The following CAMTA1 variants were observed in gnomAD, a reference collection of about 807,000 sequenced individuals.
CAMTA1 encodes calmodulin binding transcription activator 1, also known as calmodulin-binding transcription activator 1.
Under a neutral mutation model 170.9 loss-of-function variants are expected in CAMTA1, and 27 were observed. That is an observed-to-expected ratio of 0.16 (90% confidence interval 0.12 to 0.22). The LOEUF is 0.22. Among genes scored for constraint, CAMTA1 ranks in the 10% least tolerant of loss-of-function variants. The pLI, the probability that CAMTA1 is intolerant of heterozygous loss-of-function variation, is 1.00. For synonymous variants in CAMTA1, 833 were observed against 891.5 expected, an observed-to-expected ratio of 0.93 and a Z score of 1.17; for missense variants, 1,619 against 2,217.2, an observed-to-expected ratio of 0.73 and a Z score of 5.42.
chr1:7,434,447 A>C (rs914127797), intron 5 of CAMTA1, among the ~76,000 whole-genome samples: 1 of 84,280 alleles, frequency 1.2e-5, no homozygotes, highest in Non-Finnish European at 2.2e-5. Context: ...TTAGGAGGAA[A>C]GCACCATTCA....
Position 6,868,014 on chromosome 1 carries a change from C to T in CAMTA1, c.234+42804C>T, listed in dbSNP as rs181151501. On this transcript the variant is annotated intron_variant, in intron 3 of 22. Coordinates refer to ENST00000303635, the MANE Select transcript of CAMTA1 (RefSeq NM_015215.4). ...GGAGATGGGATCTCCCTATATTGCC[C>T]GGCTAGTCTCAAACTTCTGGGCTCA... is the stretch of plus-strand genomic sequence containing the variant. 2.3e-4 allele frequency among the ~76,000 whole-genome samples: 35 copies of T among 152,208 alleles called. 1 individual carries two copies. Among genetic ancestry groups the T allele is most frequent in the Admixed American group, 3.3e-4 (5 of 15,238 alleles).
At chr1:6,799,785 C>T (rs918252847) in intron 1 of CAMTA1, among the ~76,000 whole-genome samples, 3 of 152,160 alleles carry the variant, frequency 2.0e-5, no homozygotes, top group Non-Finnish European at 4.4e-5. Flanking sequence ...CTCTCTCTCT[C>T]TCTGATTATC....
At chr1:7,500,446 G>A (rs1465212428) in intron 6 of CAMTA1, among the ~76,000 whole-genome samples, 1 of 151,036 alleles carries the variant, frequency 6.6e-6, no homozygotes, top group Non-Finnish European at 1.5e-5. Context: ...GTGTGTGCAT[G>A]AGTGAGTGTG....
At chr1:7,024,777 C>T (rs1040108638) in intron 3 of CAMTA1, among the ~76,000 whole-genome samples, 2 of 152,198 alleles carry the variant, frequency 1.3e-5, no homozygotes, top group African/African-American at 4.8e-5. Flanking sequence ...AAAAAGCAAA[C>T]TAAATTAGTC....
chr1:7,279,552 G>A (rs1280616825), intron 5 of CAMTA1, among the ~76,000 whole-genome samples: 2 of 152,124 alleles, frequency 1.3e-5, no homozygotes, highest in Non-Finnish European at 2.9e-5. Context: ...CTCGGTACGG[G>A]GAGCAGCTGC....
intron 5 of CAMTA1, among the ~76,000 whole-genome samples, chr1:7,313,537 C>T (rs1370274331): frequency 6.6e-6 from 1 of 152,144 alleles, no homozygotes; most frequent in Non-Finnish European, 1.5e-5. Flanking sequence ...TCTCCAGACA[C>T]TGTTAAAAGA....
intron 3 of CAMTA1, among the ~76,000 whole-genome samples, chr1:6,833,094 A>AGG (rs1455774525): frequency 1.3e-5 from 2 of 152,180 alleles, no homozygotes; most frequent in African/African-American, 2.4e-5. Flanking sequence ...CACACAGGTG[A>AGG]GGGGAGACAG....
intron 10 of CAMTA1, among the ~76,000 whole-genome samples, chr1:7,671,377 G>A (rs904743941): frequency 2.6e-5 from 4 of 152,220 alleles, no homozygotes; most frequent in African/African-American, 4.8e-5. Context: ...AGGGTGACTA[G>A]AGCTGGTAAG....
intron 10 of CAMTA1, among the ~76,000 whole-genome samples, chr1:7,676,523 C>T (rs2096122560): frequency 6.6e-6 from 1 of 152,238 alleles, no homozygotes; most frequent in African/African-American, 2.4e-5. Context: ...AAAGATGGAG[C>T]TCTGCTTGTC....
At chr1:6,967,204 G>A (rs1334294462) in intron 3 of CAMTA1, among the ~76,000 whole-genome samples, 1 of 152,012 alleles carries the variant, frequency 6.6e-6, no homozygotes, top group Admixed American at 6.5e-5. Context: ...CTGTGCCACT[G>A]CACTCCAGCC....
intron 10 of CAMTA1, 40 bp downstream of exon 10, chr1:7,671,077 T>A (rs2096056424): frequency 6.2e-7 from 1 of 1,606,806 alleles, no homozygotes; most frequent in Admixed American, 1.7e-5. Flanking sequence ...GTGAGTGTGA[T>A]GGCCTGAGGA....
chr1:7,244,415 C>T (rs1185438360), intron 4 of CAMTA1, among the ~76,000 whole-genome samples: 1 of 152,206 alleles, frequency 6.6e-6, no homozygotes, highest in African/African-American at 2.4e-5. Context: ...GATTATAAAT[C>T]ATGCTGCTAT....
At chr1:7,073,752 A>G (rs555027296) in intron 3 of CAMTA1, among the ~76,000 whole-genome samples, 2 of 152,324 alleles carry the variant, frequency 1.3e-5, no homozygotes, top group East Asian at 3.9e-4. Flanking sequence ...TCTTGATGGA[A>G]TAGTGGAGGT....
chr1:7,574,658 C>T (rs929670201), intron 6 of CAMTA1, among the ~76,000 whole-genome samples: 4 of 152,156 alleles, frequency 2.6e-5, no homozygotes, highest in African/African-American at 7.2e-5. Context: ...CAGAGAGGTC[C>T]GCCTGGCCAG....
chr1:7,138,845 A>G (rs1473736239), intron 4 of CAMTA1, among the ~76,000 whole-genome samples: 3 of 151,850 alleles, frequency 2.0e-5, no homozygotes, highest in Non-Finnish European at 4.4e-5. Flanking sequence ...AAATACAAAA[A>G]TTAGCTGGGT....
At chr1:7,123,868 G>A (rs1644783906) in intron 4 of CAMTA1, among the ~76,000 whole-genome samples, 1 of 152,186 alleles carries the variant, frequency 6.6e-6, no homozygotes, top group Non-Finnish European at 1.5e-5. Flanking sequence ...GGTCTGTGGG[G>A]TTGCATCCAA....
chr1:6,870,195 G>T (rs191004617), intron 3 of CAMTA1, among the ~76,000 whole-genome samples: 3 of 152,038 alleles, frequency 2.0e-5, no homozygotes, highest in Non-Finnish European at 4.4e-5. Flanking sequence ...CTAAAACAAC[G>T]TATGCATTGT....
At chr1:7,417,409 C>T (rs1055116732) in intron 5 of CAMTA1, among the ~76,000 whole-genome samples, 28 of 152,258 alleles carry the variant, frequency 1.8e-4, no homozygotes, top group Middle Eastern at 3.2e-3. Context: ...CCCTCTTGAG[C>T]TGTGGTGGGC....
intron 5 of CAMTA1, among the ~76,000 whole-genome samples, chr1:7,392,558 A>AC (rs1260251133): frequency 6.9e-6 from 1 of 143,942 alleles, no homozygotes; most frequent in Non-Finnish European, 1.5e-5. Flanking sequence ...CCCGGCCAAG[A>AC]CCCCCATCTT....
Sources: gnomAD v4.1 joint callset for allele counts (sites outside exome capture counted in the v4.1 genomes callset) on GRCh38, gnomAD v4.1.1 for gene constraint, MANE v1.5 for transcripts, NCBI Gene and HGNC (gene_info 2026-07-23, HGNC 2026-07-21) for gene names.